The following DOCK4 variants were observed in gnomAD, a reference collection of about 807,000 sequenced individuals.
DOCK4 encodes dedicator of cytokinesis 4.
In DOCK4, 97 loss-of-function variants were observed where a neutral mutation model predicts 268.1. The ratio of observed to expected loss-of-function variants is 0.36; its 90% CI spans 0.31 to 0.43. The LOEUF (loss-of-function observed/expected upper bound fraction) is 0.43. Ranked by LOEUF, DOCK4 falls within the 20% of genes least tolerant of loss-of-function variation. The pLI, the probability that DOCK4 is intolerant of heterozygous loss-of-function variation, is 1.00. For synonymous variants in DOCK4, 954 were observed against 887.2 expected (o/e 1.08, Z -1.34); for missense variants, 2,145 against 2,455.7 (o/e 0.87, Z 2.67).
At chr7:112,106,095 T>C (rs1586833844) in intron 1 of DOCK4, among the ~76,000 whole-genome samples, 1 of 152,014 alleles carries the variant, frequency 6.6e-6, no homozygotes, top group South Asian at 2.1e-4. Context: ...AAGAGAAGAG[T>C]GCACAACATT....
intron 13 of DOCK4, among the ~76,000 whole-genome samples, chr7:111,911,082 C>T (rs1430733447): frequency 2.0e-5 from 3 of 152,162 alleles, no homozygotes; most frequent in African/African-American, 7.2e-5. Flanking sequence ...TGCAGAGAGG[C>T]GGTGACTGTG....
At chr7:111,922,044 T>C (rs985771539) in intron 12 of DOCK4, among the ~76,000 whole-genome samples, 8 of 152,176 alleles carry the variant, frequency 5.3e-5, no homozygotes, top group African/African-American at 1.7e-4. Context: ...GAAATACAAA[T>C]AGACGATAAG....
chr7:112,100,858 C>T (rs1454021148), intron 1 of DOCK4, among the ~76,000 whole-genome samples: 1 of 152,172 alleles, frequency 6.6e-6, no homozygotes, highest in Non-Finnish European at 1.5e-5. Context: ...CACACACACA[C>T]ACATCACCCA....
At chr7:111,951,642 G>A (rs1289409230) in intron 8 of DOCK4, among the ~76,000 whole-genome samples, 3 of 133,038 alleles carry the variant, frequency 2.3e-5, no homozygotes, top group East Asian at 2.4e-4. Flanking sequence ...AAACCCCATC[G>A]CTACCAAAAA....
intron 22 of DOCK4, among the ~76,000 whole-genome samples, chr7:111,867,640 G>T (rs1806082655): frequency 6.6e-6 from 1 of 152,166 alleles, no homozygotes; most frequent in Non-Finnish European, 1.5e-5. Context: ...GAAGCTTGGG[G>T]AAAAGAACTG....
intron 1 of DOCK4, among the ~76,000 whole-genome samples, chr7:112,158,326 C>T (rs1816801280): frequency 6.6e-6 from 1 of 152,204 alleles, no homozygotes; most frequent in South Asian, 2.1e-4. Context: ...ATTGCTTATA[C>T]ATAGTATGAA....
At chr7:111,739,543 G>A (rs144348451) in intron 47 of DOCK4, 66 bp from the exon 48 acceptor site, 8 of 1,351,034 alleles carry the variant, frequency 5.9e-6, no homozygotes, top group East Asian at 2.5e-5. Context: ...TGACGTATTT[G>A]AAACAAAATC....
chr7:111,806,809 A>G (rs1157607733), intron 30 of DOCK4, among the ~76,000 whole-genome samples: 3 of 152,228 alleles, frequency 2.0e-5, no homozygotes, highest in South Asian at 2.1e-4. Flanking sequence ...ATGCTACAGT[A>G]TAACAAAATA....
intron 1 of DOCK4, among the ~76,000 whole-genome samples, chr7:112,039,525 C>T (rs887795757): frequency 5.9e-5 from 9 of 152,042 alleles, no homozygotes; most frequent in African/African-American, 1.7e-4. Context: ...AAACTAACCT[C>T]GGAATGATGA....
intron 27 of DOCK4, chr7:111,820,724 A>T (rs989403587): frequency 6.6e-6 from 1 of 152,182 alleles, no homozygotes; most frequent in Non-Finnish European, 1.5e-5. Context: ...TTTCAGTTTG[A>T]ATTTCTACCA....
At chr7:112,196,257 T>C (rs574860618) in intron 1 of DOCK4, among the ~76,000 whole-genome samples, 2 of 152,258 alleles carry the variant, frequency 1.3e-5, no homozygotes, top group African/African-American at 2.4e-5. Context: ...AGGTTCCCAG[T>C]TGTAAGTTAT....
chr7:111,979,145 T>C (rs1482295493), intron 7 of DOCK4, among the ~76,000 whole-genome samples: 2 of 152,216 alleles, frequency 1.3e-5, no homozygotes, highest in Non-Finnish European at 2.9e-5. Flanking sequence ...CAAAATGTCA[T>C]GTAAATTTAC....
chr7:111,839,002 T>A lies in DOCK4; in HGVS notation c.2737-4316A>T, dbSNP rs1441383375. 2.0e-5 allele frequency among the ~76,000 whole-genome samples: 3 copies of A among 152,326 alleles called. No individual in the cohort carries two copies. The East Asian group carries it at 5.8e-4, about 29-fold the overall frequency. ...TTTGGGCCTTGTTGGGTAGACACAATCAATTTCACTTTAAAGAAAAGATAA... is the reference window on the plus strand; with the variant it reads ...TTTGGGCCTTGTTGGGTAGACACAAACAATTTCACTTTAAAGAAAAGATAA... On this transcript the variant is annotated intron_variant, in intron 25 of 52. Coordinates refer to ENST00000428084, the MANE Select transcript of DOCK4 (RefSeq NM_001363540.2).
At chr7:112,101,383 T>C (rs890099494) in intron 1 of DOCK4, among the ~76,000 whole-genome samples, 5 of 152,232 alleles carry the variant, frequency 3.3e-5, no homozygotes, top group Non-Finnish European at 5.9e-5. Flanking sequence ...GTAAAATATA[T>C]GCTATAAAGA....
rs200926798 is a variant in DOCK4 at position 111,925,189 on chromosome 7, T to C, written c.1067-9285A>G. Reference sequence around the variant, plus strand: ...CTAAGCTTTGCTTTGTGCATTAGAATGTTATGTGTTATATCTATAAGAAAA... The same window carrying C: ...CTAAGCTTTGCTTTGTGCATTAGAACGTTATGTGTTATATCTATAAGAAAA... On this transcript the variant is annotated intron_variant, in intron 12 of 52. Transcript: ENST00000428084. Among the ~76,000 whole-genome samples the C allele has an allele frequency of 5.3e-5, 8 of 152,340 alleles. No homozygotes were observed. In the East Asian group the frequency reaches 1.4e-3, roughly 26 times the overall value.
chr7:112,168,432 A>G (rs550440158), intron 1 of DOCK4, among the ~76,000 whole-genome samples: 1 of 152,204 alleles, frequency 6.6e-6, no homozygotes, highest in Non-Finnish European at 1.5e-5. Context: ...AACACAGTTA[A>G]CGAGCCAGGC....
chr7:111,897,758 T>A (rs930619563), intron 15 of DOCK4, among the ~76,000 whole-genome samples: 8 of 152,208 alleles, frequency 5.3e-5, no homozygotes, highest in Non-Finnish European at 1.0e-4. Flanking sequence ...GTTACTCAAC[T>A]GCCCACTTGA....
At chr7:112,167,618 T>C (rs1450122798) in intron 1 of DOCK4, among the ~76,000 whole-genome samples, 1 of 152,220 alleles carries the variant, frequency 6.6e-6, no homozygotes, top group Non-Finnish European at 1.5e-5. Context: ...TTTTAAGAAT[T>C]GATCATCAAA....
chr7:112,127,128 T>C lies in DOCK4; in HGVS notation c.37+78974A>G, dbSNP rs1427882614. 8.7e-5 allele frequency among the ~76,000 whole-genome samples: 13 copies of C among 150,066 alleles called. No individual in the cohort carries two copies. In the East Asian group the frequency reaches 9.8e-4, roughly 11 times the overall value. On this transcript the variant is annotated intron_variant, in intron 1 of 52. Coordinates refer to ENST00000428084, the MANE Select transcript of DOCK4 (RefSeq NM_001363540.2). ...ATGCACACGTATGTTTATTGCGGCA[T>C]TATTCACAATAGCAAAGACTTGGAA...
Sources: allele counts gnomAD v4.1 joint callset (sites outside exome capture counted in the v4.1 genomes callset), GRCh38; gene constraint gnomAD v4.1.1; transcripts MANE v1.5; gene names NCBI Gene and HGNC (gene_info 2026-07-23, HGNC 2026-07-21).